The following UIMC1 variants were observed in gnomAD, a reference collection of about 807,000 sequenced individuals.
The protein encoded by UIMC1 is BRCA1-A complex subunit RAP80.
A neutral mutation model predicts 84.9 loss-of-function variants in UIMC1; 42 were observed. The ratio of observed to expected loss-of-function variants is 0.49; its 90% CI spans 0.39 to 0.64. The LOEUF (loss-of-function observed/expected upper bound fraction) is 0.64, where lower values mean the gene tolerates loss of function less well. Ranked by LOEUF, UIMC1 falls within the 30% of genes least tolerant of loss-of-function variation. UIMC1 has a pLI of 0.00. For synonymous variants in UIMC1, 281 were observed against 293.0 expected (o/e 0.96, Z 0.42); for missense variants, 825 against 847.6 (o/e 0.97, Z 0.33).
chr5:177,010,801 C>T (rs368082184), upstream of UIMC1, among the ~76,000 whole-genome samples: 25 of 152,098 alleles, frequency 1.6e-4, no homozygotes, highest in South Asian at 2.1e-3. Context: ...CAACCGGGTC[C>T]GGCCAGAGGA....
chr5:177,017,784 C>G (rs1360505433), intron 1 of UIMC1, among the ~76,000 whole-genome samples: 1 of 151,296 alleles, frequency 6.6e-6, no homozygotes, highest in African/African-American at 2.4e-5. Context: ...TCCTGAGTAG[C>G]TGGGACCAAA....
rs1398538282 is a variant in UIMC1 at position 176,914,007 on chromosome 5, GCATACCATACCATACAC to G, written c.1598-2635_1598-2619del. ...TAATACCATACCATACCATACCATA[GCATACCATACCATACAC>G]CATACCATACCATACACCATACCAT... On this transcript the variant is annotated intron_variant, in intron 10 of 14. Transcript: ENST00000511320. Among the ~76,000 whole-genome samples, 10 of 135,714 alleles carry G rather than the reference GCATACCATACCATACAC, an allele frequency of 7.4e-5. No homozygotes were observed. In the East Asian group the frequency reaches 9.8e-4, roughly 13 times the overall value. 89.0% of individuals were successfully genotyped at this position (135,714 alleles called of 152,430 possible). A position where few individuals can be genotyped will look rare whatever the true frequency, so the allele number is the denominator to read the frequency against.
chr5:177,002,972 A>G (rs1581718603), intron 1 of UIMC1, among the ~76,000 whole-genome samples: 2 of 152,116 alleles, frequency 1.3e-5, no homozygotes, highest in African/African-American at 2.4e-5. Context: ...TCCATGACTT[A>G]TATCTCCTCT....
At chr5:176,978,367 T>C (rs1200204328) in intron 2 of UIMC1, among the ~76,000 whole-genome samples, 1 of 152,092 alleles carries the variant, frequency 6.6e-6, no homozygotes, top group Non-Finnish European at 1.5e-5. Flanking sequence ...AGCGAGACTC[T>C]GTCTCAAAAA....
At chr5:176,921,781 C>T (rs1310293496) in intron 10 of UIMC1, among the ~76,000 whole-genome samples, 3 of 152,126 alleles carry the variant, frequency 2.0e-5, no homozygotes, top group Non-Finnish European at 4.4e-5. Context: ...TCCATTTTTG[C>T]CCCATCCCTC....
intron 1 of UIMC1, among the ~76,000 whole-genome samples, chr5:176,995,169 C>T (rs913271657): frequency 6.6e-6 from 1 of 152,002 alleles, no homozygotes; most frequent in Non-Finnish European, 1.5e-5. Context: ...ACATTACCAC[C>T]CAAAAACTTG....
At chr5:176,908,760 A>G (rs777231473) in intron 11 of UIMC1, 66 bp from the exon 12 acceptor site, 13 of 1,539,058 alleles carry the variant, frequency 8.4e-6, no homozygotes, top group Non-Finnish European at 1.1e-5. Flanking sequence ...GGGCCCCTGG[A>G]TATGTCTCAA....
intron 10 of UIMC1, among the ~76,000 whole-genome samples, chr5:176,917,946 C>G (rs893811467): frequency 1.6e-3 from 245 of 152,278 alleles, no homozygotes; most frequent in African/African-American, 5.7e-3. Flanking sequence ...GCAACAACAG[C>G]AAAACTCTGT....
intron 1 of UIMC1, among the ~76,000 whole-genome samples, chr5:177,003,905 T>C (rs1011473647): frequency 2.0e-5 from 3 of 152,178 alleles, no homozygotes; most frequent in Non-Finnish European, 4.4e-5. Context: ...AATAGCTCAC[T>C]GCAGCCTCGA....
chr5:176,936,540 T>C (rs1264515211), intron 10 of UIMC1, among the ~76,000 whole-genome samples: 1 of 152,178 alleles, frequency 6.6e-6, no homozygotes, highest in East Asian at 1.9e-4. Context: ...GGTTCCTCCC[T>C]TGCTCAAGGA....
At chr5:176,917,508 G>C (rs1044169862) in intron 10 of UIMC1, among the ~76,000 whole-genome samples, 1 of 152,156 alleles carries the variant, frequency 6.6e-6, no homozygotes, top group Non-Finnish European at 1.5e-5. Context: ...GGAGACGGAG[G>C]TTGCAGTGAG....
chr5:177,013,813 G>A (rs1209792323), intron 1 of UIMC1, among the ~76,000 whole-genome samples: 1 of 152,164 alleles, frequency 6.6e-6, no homozygotes, highest in African/African-American at 2.4e-5. Flanking sequence ...CCTTCCCAGT[G>A]GAGTCACTTA....
At chr5:177,017,111 C>A (rs1429243586) in intron 1 of UIMC1, among the ~76,000 whole-genome samples, 1 of 152,178 alleles carries the variant, frequency 6.6e-6, no homozygotes, top group Non-Finnish European at 1.5e-5. Context: ...CAAAGATGTG[C>A]CCCTGGGCCC....
At chr5:176,964,839 A>G (rs1224982025) in intron 6 of UIMC1, among the ~76,000 whole-genome samples, 1 of 152,188 alleles carries the variant, frequency 6.6e-6, no homozygotes, top group Non-Finnish European at 1.5e-5. Flanking sequence ...CTTACAGCCA[A>G]TTTGACAAGT....
At chr5:176,984,524 G>A (rs1399972826) in intron 1 of UIMC1, among the ~76,000 whole-genome samples, 4 of 141,696 alleles carry the variant, frequency 2.8e-5, no homozygotes, top group Non-Finnish European at 4.6e-5. Context: ...CTGCCTGGCC[G>A]CCCCATCTAG....
intron 1 of UIMC1, among the ~76,000 whole-genome samples, chr5:176,994,586 G>C (rs530198706): frequency 5.3e-5 from 8 of 151,692 alleles, no homozygotes; most frequent in Non-Finnish European, 7.4e-5. Flanking sequence ...AGACTGGAGA[G>C]ACCAATGCGT....
intron 1 of UIMC1, among the ~76,000 whole-genome samples, chr5:177,013,361 A>AACACACAC (rs6149367): frequency 0.11 from 14,669 of 137,574 alleles, 917 homozygotes; most frequent in Non-Finnish European, 0.14. Flanking sequence ...ACTGCATCCA[A>AACACACAC]ACACACACAC....
chr5:176,996,172 C>T (rs536165270), intron 1 of UIMC1, among the ~76,000 whole-genome samples: 1 of 152,170 alleles, frequency 6.6e-6, no homozygotes, highest in South Asian at 2.1e-4. Flanking sequence ...TTATGGTGAG[C>T]AAAAGAAGCA....
At chr5:176,925,462 T>C (rs767153858) in intron 10 of UIMC1, among the ~76,000 whole-genome samples, 2 of 152,170 alleles carry the variant, frequency 1.3e-5, no homozygotes, top group Non-Finnish European at 2.9e-5. Context: ...AGCAATTCCA[T>C]TCCTAGCTAT....
Sources: allele counts gnomAD v4.1 joint callset (sites outside exome capture counted in the v4.1 genomes callset), GRCh38; gene constraint gnomAD v4.1.1; transcripts MANE v1.5; gene names NCBI Gene and HGNC (gene_info 2026-07-23, HGNC 2026-07-21).